Variants in MECOM observed in about 807,000 individuals in gnomAD.
MECOM encodes histone-lysine N-methyltransferase MECOM.
MECOM carries 13 observed loss-of-function variants against 116.3 expected under a neutral mutation model. The observed-to-expected ratio is 0.11, with a 90% CI of 0.07 to 0.18. The LOEUF (loss-of-function observed/expected upper bound fraction) is 0.18. Among genes scored for constraint, MECOM ranks in the 10% least tolerant of loss-of-function variants. The probability of loss-of-function intolerance (pLI) is 1.00; values close to 1 mark genes in which losing one functional copy is unlikely to be tolerated. For missense variants in MECOM, 1,299 were observed against 1,509.0 expected, an observed-to-expected ratio of 0.86 and a Z score of 2.31; for synonymous variants, 528 against 535.2, an observed-to-expected ratio of 0.99 and a Z score of 0.19.
At chr3:169,558,266 C>T (rs1364116888) in intron 1 of MECOM, among the ~76,000 whole-genome samples, 3 of 152,030 alleles carry the variant, frequency 2.0e-5, no homozygotes, top group African/African-American at 7.2e-5. Flanking sequence ...TTTGCAGAGT[C>T]GAGAAAAATA....
chr3:169,561,332 T>C (rs1338385708), intron 1 of MECOM, among the ~76,000 whole-genome samples: 2 of 152,098 alleles, frequency 1.3e-5, no homozygotes, highest in Non-Finnish European at 2.9e-5. Context: ...TAAAATGACA[T>C]GCATTTCTAG....
At chr3:169,226,482 C>T (rs970781062) in intron 2 of MECOM, among the ~76,000 whole-genome samples, 1 of 152,150 alleles carries the variant, frequency 6.6e-6, no homozygotes, top group African/African-American at 2.4e-5. Context: ...TGGAACTTCT[C>T]CACATTGGTT....
At position 169,636,139 on chromosome 3, in the gene MECOM, T is replaced by TGCA. The variant is rs536319934; in HGVS notation, c.37+27194_37+27196dup. Among the ~76,000 whole-genome samples the TGCA allele has an allele frequency of 2.5e-3, 379 of 152,344 alleles. 1 individual carries two copies. The highest frequency in any genetic ancestry group is 4.1e-3 in the Admixed American group (62 of 15,302). ...ATAATGTAGGATGAGGACAGATTAT[T>TGCA]GCAGCCATCCACTAGTCTCCCCAAT... On this transcript the variant is annotated intron_variant, in intron 1 of 16. Coordinates refer to ENST00000651503, the MANE Select transcript of MECOM (RefSeq NM_004991.4).
At chr3:169,118,822 G>T (rs150485021) in intron 7 of MECOM, among the ~76,000 whole-genome samples, 1 of 152,100 alleles carries the variant, frequency 6.6e-6, no homozygotes, top group Non-Finnish European at 1.5e-5. Flanking sequence ...TGCTGTCTGT[G>T]TCTGGGCTCA....
chr3:169,366,269 T>A (rs138318095), intron 2 of MECOM, among the ~76,000 whole-genome samples: 1 of 152,050 alleles, frequency 6.6e-6, no homozygotes, highest in East Asian at 2.0e-4. Context: ...TCCTACTGTT[T>A]AGTCTCAATC....
intron 2 of MECOM, among the ~76,000 whole-genome samples, chr3:169,190,422 A>G (rs917934597): frequency 2.0e-5 from 3 of 152,022 alleles, no homozygotes; most frequent in African/African-American, 7.2e-5. Context: ...TCTATATCAG[A>G]TGATAAAGGA....
intron 2 of MECOM, among the ~76,000 whole-genome samples, chr3:169,271,856 A>G (rs886293687): frequency 3.3e-5 from 5 of 152,228 alleles, no homozygotes; most frequent in African/African-American, 1.2e-4. Context: ...GTTCTGCAAC[A>G]GTGCAGCTAA....
intron 2 of MECOM, among the ~76,000 whole-genome samples, chr3:169,354,240 T>A (rs1726865019): frequency 6.6e-6 from 1 of 152,004 alleles, no homozygotes; most frequent in South Asian, 2.1e-4. Flanking sequence ...TAAGTTCATA[T>A]TCACAGCATA....
intron 1 of MECOM, among the ~76,000 whole-genome samples, chr3:169,570,272 T>G (rs1763718607): frequency 6.6e-6 from 1 of 152,054 alleles, no homozygotes; most frequent in African/African-American, 2.4e-5. Flanking sequence ...ACGTACACCC[T>G]CCAAAGACTA....
intron 1 of MECOM, among the ~76,000 whole-genome samples, chr3:169,513,950 A>G (rs1361908183): frequency 6.6e-6 from 1 of 152,192 alleles, no homozygotes; most frequent in Non-Finnish European, 1.5e-5. Flanking sequence ...TCATAGGCAC[A>G]ACTTACTCTC....
intron 1 of MECOM, among the ~76,000 whole-genome samples, chr3:169,607,814 T>C (rs1215446714): frequency 7.2e-5 from 11 of 152,358 alleles, no homozygotes; most frequent in Admixed American, 6.5e-4. Flanking sequence ...ATCCCACACA[T>C]TCATTAAATT....
chr3:169,229,480 G>A (rs1753119915), intron 2 of MECOM, among the ~76,000 whole-genome samples: 1 of 152,122 alleles, frequency 6.6e-6, no homozygotes, highest in South Asian at 2.1e-4. Context: ...AATCCATGGA[G>A]GGGCCGAGGT....
At chr3:169,410,408 A>G (rs1446274325) in intron 1 of MECOM, among the ~76,000 whole-genome samples, 1 of 152,174 alleles carries the variant, frequency 6.6e-6, no homozygotes, top group Non-Finnish European at 1.5e-5. Context: ...AACCTCATTG[A>G]CATGGCCTTT....
chr3:169,125,148 C>G (rs1416906557), intron 5 of MECOM, among the ~76,000 whole-genome samples: 1 of 152,038 alleles, frequency 6.6e-6, no homozygotes, highest in African/African-American at 2.4e-5. Context: ...CCTCTGTGAA[C>G]AAAAGGTACT....
chr3:169,497,835 A>G (rs1754021040), intron 1 of MECOM, among the ~76,000 whole-genome samples: 1 of 152,252 alleles, frequency 6.6e-6, no homozygotes, highest in African/African-American at 2.4e-5. Context: ...CAAAAATTCC[A>G]TATGTAGGCT....
At chr3:169,627,001 T>A (rs968673048) in intron 1 of MECOM, among the ~76,000 whole-genome samples, 1 of 152,178 alleles carries the variant, frequency 6.6e-6, no homozygotes, top group Non-Finnish European at 1.5e-5. Flanking sequence ...ATGTTCAATG[T>A]GTCACTAAAA....
chr3:169,445,306 T>A (rs182071507), intron 1 of MECOM, among the ~76,000 whole-genome samples: 187 of 152,156 alleles, frequency 1.2e-3, no homozygotes, highest in African/African-American at 3.9e-3. Context: ...CCATGCTGTT[T>A]GTAGTCTAGG....
At chr3:169,278,127 C>T (rs545101455) in intron 2 of MECOM, among the ~76,000 whole-genome samples, 1 of 152,270 alleles carries the variant, frequency 6.6e-6, no homozygotes, top group East Asian at 1.9e-4. Context: ...GTATAGGGAT[C>T]TTATTTGTTC....
chr3:169,651,037 T>C (rs1057374248), intron 1 of MECOM, among the ~76,000 whole-genome samples: 2 of 152,240 alleles, frequency 1.3e-5, no homozygotes, highest in African/African-American at 4.8e-5. Context: ...GGACTTCCAG[T>C]ACTGTGTTGA....
Sources: gnomAD v4.1 joint callset for allele counts (sites outside exome capture counted in the v4.1 genomes callset) on GRCh38, gnomAD v4.1.1 for gene constraint, MANE v1.5 for transcripts, NCBI Gene and HGNC (gene_info 2026-07-23, HGNC 2026-07-21) for gene names.